Variants in DENND4A observed in about 807,000 individuals in gnomAD.
DENND4A encodes the protein DENN domain containing 4A.
DENND4A carries 70 observed loss-of-function variants against 199.3 expected under a neutral mutation model. The observed-to-expected ratio is 0.35, with a 90% confidence interval of 0.29 to 0.43. The LOEUF (loss-of-function observed/expected upper bound fraction) is 0.43, where lower values mean the gene tolerates loss of function less well. Ranked by LOEUF, DENND4A falls within the 20% of genes least tolerant of loss-of-function variation. DENND4A has a pLI of 1.00. For missense variants in DENND4A, 1,723 were observed against 2,255.8 expected (o/e 0.76, Z 4.78); for synonymous variants, 686 against 766.9 (o/e 0.89, Z 1.74).
At chr15:65,675,782 G>A (rs898387886) in intron 24 of DENND4A, among the ~76,000 whole-genome samples, 5 of 152,056 alleles carry the variant, frequency 3.3e-5, no homozygotes, top group African/African-American at 1.2e-4. Flanking sequence ...CTCATATACT[G>A]GCAGTGGGAA....
At position 65,750,358 on chromosome 15, in the gene DENND4A, C is replaced by T. The variant is rs535759313; in HGVS notation, c.561+2021G>A. 3.9e-5 allele frequency among the ~76,000 whole-genome samples: 6 copies of T among 152,100 alleles called. No individual in the cohort carries two copies. In the South Asian group the frequency reaches 1.2e-3, roughly 32 times the overall value. ...AGGGGGAAGACAGGGAGGAAAGCAACGGCTGATAAACCACCCATTGGGTTC... is the reference window on the plus strand; with the variant it reads ...AGGGGGAAGACAGGGAGGAAAGCAATGGCTGATAAACCACCCATTGGGTTC... On this transcript the variant is annotated intron_variant, in intron 4 of 32. Coordinates refer to ENST00000443035, the MANE Select transcript of DENND4A (RefSeq NM_001320835.1).
intron 25 of DENND4A, 112 bp downstream of exon 25, chr15:65,671,680 G>A (rs956065671): frequency 1.8e-4 from 138 of 755,130 alleles, no homozygotes; most frequent in African/African-American, 1.2e-3. Flanking sequence ...GTGAGCCACC[G>A]CGCCCAGCCT....
intron 1 of DENND4A, among the ~76,000 whole-genome samples, chr15:65,777,775 C>T (rs956981674): frequency 2.6e-5 from 4 of 152,172 alleles, no homozygotes; most frequent in African/African-American, 9.7e-5. Flanking sequence ...GTGGCTCACA[C>T]CTGTAATCCC....
intron 9 of DENND4A, among the ~76,000 whole-genome samples, chr15:65,729,944 A>G (rs1020695035): frequency 6.6e-6 from 1 of 152,208 alleles, no homozygotes; most frequent in Non-Finnish European, 1.5e-5. Context: ...TGGAAAATGA[A>G]AAGTCATCTG....
rs2076099937 is a variant in DENND4A, at chr15:65,668,112, A to G, written c.4799T>C (p.Leu1600Pro). The change falls in exon 28 of 33, where the codon CTG (leucine) becomes CCG (proline). Residue 1600 changes from leucine to proline, a missense_variant. Leu to Pro is a moderately conservative substitution (Grantham distance 98). Coordinates refer to ENST00000443035, the MANE Select transcript of DENND4A (RefSeq NM_001320835.1). ...ACTTCGGGTGCAAAAATTTTCCTGC[A>G]GTTTAGATTTGCTTGGGAATTGAAA... ...GNFDLNSKSK[L>P]QENFCTRSIQ... 6.4e-7 allele frequency: 1 copy of G among 1,573,546 alleles called. No individual in the cohort carries two copies. The highest frequency in any genetic ancestry group is 8.6e-7 in the Non-Finnish European group (1 of 1,167,492).
chr15:65,772,706 CAAAAAAAAAAAAAAAAAA>C (rs34181353), intron 1 of DENND4A, among the ~76,000 whole-genome samples: 3 of 33,568 alleles, frequency 8.9e-5, no homozygotes, highest in African/African-American at 2.4e-4. Context: ...GACTCCGTCT[CAAAAAAAAAAAAAAAAAA>C]AAAAAAAAAA....
chr15:65,701,422 C>T (rs995066196), intron 18 of DENND4A, among the ~76,000 whole-genome samples: 7 of 152,018 alleles, frequency 4.6e-5, no homozygotes, highest in Admixed American at 3.3e-4. Context: ...TGAAAATTAG[C>T]CAGGCATGGT....
intron 3 of DENND4A, among the ~76,000 whole-genome samples, chr15:65,755,093 T>C (rs189453713): frequency 1.3e-3 from 205 of 152,314 alleles, no homozygotes; most frequent in Admixed American, 0.01. Flanking sequence ...TACCGACACA[T>C]ACTATAACAT....
At chr15:65,713,737 T>A (rs2075312330) in intron 14 of DENND4A, among the ~76,000 whole-genome samples, 1 of 152,238 alleles carries the variant, frequency 6.6e-6, no homozygotes, top group African/African-American at 2.4e-5. Flanking sequence ...CTCATCATTC[T>A]TAGAGCAATT....
At chr15:65,745,584 G>T (rs2076366239) in intron 4 of DENND4A, among the ~76,000 whole-genome samples, 1 of 151,882 alleles carries the variant, frequency 6.6e-6, no homozygotes, top group Non-Finnish European at 1.5e-5. Context: ...AACAAATTTT[G>T]GTTTATCAAA....
chr15:65,716,459 T>C (rs981718460), intron 13 of DENND4A, among the ~76,000 whole-genome samples: 4 of 140,396 alleles, frequency 2.8e-5, no homozygotes, highest in East Asian at 2.1e-4. Flanking sequence ...TGTGTTCTCA[T>C]TGTTCAATTC....
chr15:65,768,427 C>CCT (rs1242534955), intron 1 of DENND4A, among the ~76,000 whole-genome samples: 1 of 152,146 alleles, frequency 6.6e-6, no homozygotes, highest in Non-Finnish European at 1.5e-5. Context: ...ATCACAAACA[C>CCT]CTCACAGGTC....
intron 5 of DENND4A, among the ~76,000 whole-genome samples, chr15:65,739,096 C>A (rs1403175454): frequency 6.6e-6 from 1 of 152,152 alleles, no homozygotes; most frequent in Non-Finnish European, 1.5e-5. Flanking sequence ...CAAGCTTCAT[C>A]TATAAAGGCT....
chr15:65,757,766 T>C (rs1158975327), intron 2 of DENND4A, among the ~76,000 whole-genome samples: 1 of 152,132 alleles, frequency 6.6e-6, no homozygotes, highest in Non-Finnish European at 1.5e-5. Context: ...GCAGATTACC[T>C]GAGGTCGGGA....
chr15:65,681,902 T>C (rs1308543565), intron 23 of DENND4A, among the ~76,000 whole-genome samples: 1 of 152,224 alleles, frequency 6.6e-6, no homozygotes, highest in Non-Finnish European at 1.5e-5. Context: ...CATGACTAGG[T>C]GCATTGTCAA....
chr15:65,762,553 C>T (rs2076878647), intron 1 of DENND4A, among the ~76,000 whole-genome samples: 1 of 152,072 alleles, frequency 6.6e-6, no homozygotes, highest in African/African-American at 2.4e-5. Flanking sequence ...CACTTGAGCC[C>T]AGGAAGCTGA....
chr15:65,693,503 T>C (rs1227029313), intron 22 of DENND4A, among the ~76,000 whole-genome samples: 1 of 152,064 alleles, frequency 6.6e-6, no homozygotes, highest in Admixed American at 6.6e-5. Context: ...GCTGAAAGTA[T>C]GCCCAGCTGA....
At chr15:65,788,085 T>TTTA (rs2077615152) in intron 1 of DENND4A, among the ~76,000 whole-genome samples, 1 of 151,536 alleles carries the variant, frequency 6.6e-6, no homozygotes. Context: ...TTATTTATTT[T>TTTA]TTTTTTTTTG....
chr15:65,758,742 G>A (rs1163748406), intron 2 of DENND4A, among the ~76,000 whole-genome samples: 1 of 152,122 alleles, frequency 6.6e-6, no homozygotes, highest in Admixed American at 6.5e-5. Context: ...GTTCCAATAA[G>A]TGCAAAGAAA....
Sources: allele counts gnomAD v4.1 joint callset (sites outside exome capture counted in the v4.1 genomes callset), GRCh38; gene constraint gnomAD v4.1.1; transcripts MANE v1.5; gene names NCBI Gene and HGNC (gene_info 2026-07-23, HGNC 2026-07-21).